The following ZNF831 variants were observed in gnomAD, a reference collection of about 807,000 sequenced individuals.
The protein encoded by ZNF831 is zinc finger protein 831, also known as chromosome 20 open reading frame 174.
ZNF831 carries 59 observed loss-of-function variants against 95.8 expected under a neutral mutation model. The observed-to-expected ratio is 0.62, with a 90% CI of 0.50 to 0.77. ZNF831 has a LOEUF of 0.77. Ranked by LOEUF, ZNF831 falls within the 30% of genes least tolerant of loss-of-function variation. The pLI, the probability that ZNF831 is intolerant of heterozygous loss-of-function variation, is 0.00. For missense variants in ZNF831, 2,205 were observed against 2,164.0 expected (o/e 1.02, Z -0.38); for synonymous variants, 961 against 925.5 (o/e 1.04, Z -0.70).
chr20:59,134,763 G>C (rs1319514937), intron 1 of ZNF831, among the ~76,000 whole-genome samples: 2 of 152,210 alleles, frequency 1.3e-5, no homozygotes, highest in African/African-American at 2.4e-5. Context: ...ACAGAGCCCT[G>C]GAGCCACATG....
intron 4 of ZNF831, among the ~76,000 whole-genome samples, chr20:59,243,389 T>C (rs1463483786): frequency 6.6e-6 from 1 of 152,232 alleles, no homozygotes; most frequent in Non-Finnish European, 1.5e-5. Flanking sequence ...CTAAGTATTA[T>C]GTGAGGATGG....
chr20:59,183,142 C>G (rs1982751715), intron 1 of ZNF831, among the ~76,000 whole-genome samples: 1 of 152,194 alleles, frequency 6.6e-6, no homozygotes, highest in Admixed American at 6.5e-5. Flanking sequence ...GTGTTACCCA[C>G]TCCAGGCATG....
At chr20:59,123,595 C>A (rs1400462234) in intron 1 of ZNF831, 1 of 152,786 alleles carries the variant, frequency 6.5e-6, no homozygotes, top group Admixed American at 6.5e-5. Flanking sequence ...TTGGGGACCC[C>A]CAAATGGGGA....
chr20:59,138,644 C>T (rs554930618), intron 1 of ZNF831, among the ~76,000 whole-genome samples: 2 of 152,332 alleles, frequency 1.3e-5, no homozygotes, highest in East Asian at 1.9e-4. Context: ...CAGAGGGACA[C>T]GTGCCATTTC....
chr20:59,246,511 T>C (rs1429107017), intron 4 of ZNF831, among the ~76,000 whole-genome samples: 2 of 152,254 alleles, frequency 1.3e-5, no homozygotes, highest in African/African-American at 4.8e-5. Flanking sequence ...ATCTTTCAAA[T>C]GGCATTTTCT....
At position 59,255,285 on chromosome 20, in the gene ZNF831, A is replaced by G. The variant is rs565414434; in HGVS notation, c.*542A>G. 1 of 153,980 alleles carries G rather than the reference A, an allele frequency of 6.5e-6. No homozygotes were observed. Among genetic ancestry groups the G allele is most frequent in the Non-Finnish European group, 1.4e-5 (1 of 69,112 alleles). 9.5% of individuals were successfully genotyped at this position (153,980 alleles called of 1,614,324 possible). On this transcript the variant is annotated 3_prime_UTR_variant, in exon 6 of 6. Transcript: ENST00000371030. ...AAAGATACTTCTGTTCATTTTGGAG[A>G]CAAAATTCAGATACATTAAAAAACT...
intron 1 of ZNF831, among the ~76,000 whole-genome samples, chr20:59,183,436 C>T (rs910956201): frequency 5.9e-5 from 9 of 152,182 alleles, no homozygotes; most frequent in African/African-American, 1.9e-4. Context: ...CTCAGGTGTG[C>T]GAGAGCATGC....
At chr20:59,166,914 C>T (rs942526690) in intron 1 of ZNF831, among the ~76,000 whole-genome samples, 9 of 152,126 alleles carry the variant, frequency 5.9e-5, no homozygotes, top group Non-Finnish European at 1.2e-4. Flanking sequence ...TTTGTGTGAA[C>T]GTAAGTTTTC....
intron 1 of ZNF831, among the ~76,000 whole-genome samples, chr20:59,167,703 G>A (rs1981393548): frequency 2.0e-5 from 3 of 150,976 alleles, no homozygotes; most frequent in South Asian, 4.2e-4. Flanking sequence ...AATTGTTTCA[G>A]CATCATTTGT....
At chr20:59,138,382 T>A (rs1182614572) in intron 1 of ZNF831, among the ~76,000 whole-genome samples, 1 of 152,030 alleles carries the variant, frequency 6.6e-6, no homozygotes, top group Non-Finnish European at 1.5e-5. Context: ...TGGCTCCCCA[T>A]GTTTTATGGT....
intron 1 of ZNF831, among the ~76,000 whole-genome samples, chr20:59,172,225 T>C (rs756045745): frequency 1.1e-4 from 16 of 152,176 alleles, no homozygotes; most frequent in Non-Finnish European, 2.2e-4. Flanking sequence ...GACAACGTGA[T>C]CAGTTAGTTA....
chr20:59,238,264 G>C (rs959293160), intron 4 of ZNF831, among the ~76,000 whole-genome samples: 13 of 152,158 alleles, frequency 8.5e-5, no homozygotes, highest in African/African-American at 2.2e-4. Flanking sequence ...TCACAGCTGG[G>C]TTGATTTCTG....
intron 1 of ZNF831, among the ~76,000 whole-genome samples, chr20:59,137,547 G>A (rs752484671): frequency 1.3e-5 from 2 of 152,216 alleles, no homozygotes; most frequent in Non-Finnish European, 2.9e-5. Flanking sequence ...CCCTGGAAGA[G>A]TTTCCTTTAA....
At chr20:59,205,797 A>G (rs981918904) in intron 3 of ZNF831, among the ~76,000 whole-genome samples, 1 of 152,176 alleles carries the variant, frequency 6.6e-6, no homozygotes, top group Non-Finnish European at 1.5e-5. Flanking sequence ...CTTAAGGCAT[A>G]TTGCAGGCCT....
intron 4 of ZNF831, among the ~76,000 whole-genome samples, chr20:59,251,155 T>C (rs1987868549): frequency 1.3e-5 from 2 of 152,152 alleles, no homozygotes; most frequent in African/African-American, 4.8e-5. Context: ...AACAATGCAT[T>C]GTACATGAGG....
chr20:59,214,775 T>G (rs571694007), intron 4 of ZNF831, among the ~76,000 whole-genome samples: 27 of 152,320 alleles, frequency 1.8e-4, no homozygotes, highest in Admixed American at 1.7e-3. Flanking sequence ...CAATTTCTGA[T>G]GAGGTCACTG....
intron 4 of ZNF831, among the ~76,000 whole-genome samples, chr20:59,234,856 C>T (rs1261430402): frequency 6.6e-6 from 1 of 152,136 alleles, no homozygotes; most frequent in East Asian, 1.9e-4. Flanking sequence ...CACCTAGTTT[C>T]CCCTATTATT....
At chr20:59,144,971 C>T (rs1048892649) in intron 1 of ZNF831, among the ~76,000 whole-genome samples, 3 of 152,182 alleles carry the variant, frequency 2.0e-5, no homozygotes, top group African/African-American at 4.8e-5. Flanking sequence ...TGGCCACAGG[C>T]TGCCCCCATG....
intron 2 of ZNF831, among the ~76,000 whole-genome samples, chr20:59,157,762 A>T (rs1348432563): frequency 6.6e-6 from 1 of 152,208 alleles, no homozygotes; most frequent in African/African-American, 2.4e-5. Flanking sequence ...TACATCCAAC[A>T]GACACTGATT....
Sources: gnomAD v4.1 joint callset for allele counts (sites outside exome capture counted in the v4.1 genomes callset) on GRCh38, gnomAD v4.1.1 for gene constraint, MANE v1.5 for transcripts, NCBI Gene and HGNC (gene_info 2026-07-23, HGNC 2026-07-21) for gene names.